The following MYO5B variants were observed in gnomAD, a reference collection of about 807,000 sequenced individuals.
MYO5B encodes unconventional myosin-Vb.
A neutral mutation model predicts 229.3 loss-of-function variants in MYO5B; 143 were observed. The ratio of observed to expected loss-of-function variants is 0.62; its 90% CI spans 0.54 to 0.72. The LOEUF is 0.72. Among genes scored for constraint, MYO5B ranks in the 30% least tolerant of loss-of-function variants. The probability of loss-of-function intolerance (pLI) is 0.00; values close to 1 mark genes in which losing one functional copy is unlikely to be tolerated. For missense variants in MYO5B, 2,321 were observed against 2,331.0 expected (o/e 1.00, Z 0.09); for synonymous variants, 918 against 885.2 (o/e 1.04, Z -0.66).
intron 22 of MYO5B, 45 bp from the exon 23 acceptor site, chr18:49,880,500 G>T: frequency 6.9e-7 from 1 of 1,451,360 alleles, no homozygotes; most frequent in Non-Finnish European, 9.7e-7. Flanking sequence ...ATGCTGGGAA[G>T]AGGAGAGGCT....
chr18:49,916,893 T>C (rs1246758855), intron 17 of MYO5B, among the ~76,000 whole-genome samples: 2 of 152,160 alleles, frequency 1.3e-5, no homozygotes, highest in African/African-American at 4.8e-5. Context: ...AAGAGGAAAA[T>C]CTTCAAAGTG....
intron 1 of MYO5B, among the ~76,000 whole-genome samples, chr18:50,144,939 T>C (rs773792575): frequency 6.6e-6 from 1 of 152,170 alleles, no homozygotes; most frequent in Non-Finnish European, 1.5e-5. Flanking sequence ...ATGCCCACAC[T>C]TCTTCAAATC....
intron 10 of MYO5B, among the ~76,000 whole-genome samples, chr18:49,964,784 A>G (rs932643850): frequency 1.3e-5 from 2 of 152,198 alleles, no homozygotes; most frequent in African/African-American, 4.8e-5. Flanking sequence ...GTATCTTAGA[A>G]TATCAACACT....
At chr18:50,052,538 C>T (rs988244898) in intron 2 of MYO5B, among the ~76,000 whole-genome samples, 8 of 119,860 alleles carry the variant, frequency 6.7e-5, no homozygotes, top group Non-Finnish European at 1.1e-4. Context: ...GGGAACATCA[C>T]ACTCTGGGGA....
chr18:50,149,530 A>G (rs1279624716), intron 1 of MYO5B, among the ~76,000 whole-genome samples: 3 of 151,198 alleles, frequency 2.0e-5, no homozygotes, highest in East Asian at 2.0e-4. Context: ...AAATAATGCC[A>G]CATATCTACA....
chr18:49,845,080 G>T (rs913169859), intron 33 of MYO5B, among the ~76,000 whole-genome samples: 11 of 152,170 alleles, frequency 7.2e-5, no homozygotes, highest in Non-Finnish European at 1.5e-5. Flanking sequence ...CATGCTGATG[G>T]CAGGGTTTTC....
At chr18:50,019,409 C>G (rs2026251357) in intron 4 of MYO5B, among the ~76,000 whole-genome samples, 1 of 152,192 alleles carries the variant, frequency 6.6e-6, no homozygotes, top group South Asian at 2.1e-4. Flanking sequence ...CTCATGCTGG[C>G]TACTCTATGC....
At position 49,870,718 on chromosome 18, in the gene MYO5B, A is replaced by G. The variant is rs570043310; in HGVS notation, c.3603+1449T>C. 5.9e-5 allele frequency among the ~76,000 whole-genome samples: 9 copies of G among 152,336 alleles called. No homozygotes were observed. In the South Asian group the frequency reaches 1.4e-3, roughly 25 times the overall value. ...CAGGAAAATGCAAGTCAAAACTACA[A>G]TGAGATATCACCTTACACCTATCAG... On this transcript the variant is annotated intron_variant, in intron 27 of 39. Coordinates refer to ENST00000285039, the MANE Select transcript of MYO5B (RefSeq NM_001080467.3).
At chr18:50,148,858 A>C (rs2032547811) in intron 1 of MYO5B, among the ~76,000 whole-genome samples, 1 of 152,236 alleles carries the variant, frequency 6.6e-6, no homozygotes, top group African/African-American at 2.4e-5. Context: ...AGAAGGAAAT[A>C]AAGGGTATTC....
intron 1 of MYO5B, among the ~76,000 whole-genome samples, chr18:50,151,906 C>G (rs1399432515): frequency 6.6e-6 from 1 of 152,174 alleles, no homozygotes; most frequent in East Asian, 1.9e-4. Context: ...CTTCCTCAGC[C>G]TGCCTTCCCG....
At chr18:49,847,379 C>A (rs2024143304) in intron 32 of MYO5B, 90 bp from the exon 33 acceptor site, 3 of 1,507,798 alleles carry the variant, frequency 2.0e-6, no homozygotes, top group Admixed American at 1.9e-5. Flanking sequence ...GAGGATGGGA[C>A]CTGGGGCAGG....
intron 1 of MYO5B, among the ~76,000 whole-genome samples, chr18:50,115,887 T>A (rs1000662279): frequency 6.6e-6 from 1 of 152,198 alleles, no homozygotes; most frequent in African/African-American, 2.4e-5. Flanking sequence ...TAGCTGTTAA[T>A]GGCTGCTTGC....
intron 2 of MYO5B, among the ~76,000 whole-genome samples, chr18:50,047,178 G>A (rs1757414832): frequency 6.6e-6 from 1 of 152,254 alleles, no homozygotes; most frequent in Admixed American, 6.5e-5. Flanking sequence ...GAAAATTTTT[G>A]CAACCTACTC....
chr18:50,107,110 T>A (rs1203497585), intron 1 of MYO5B, among the ~76,000 whole-genome samples: 2 of 11,784 alleles, frequency 1.7e-4, no homozygotes, highest in African/African-American at 3.4e-4. Context: ...TTAGGGTGCC[T>A]TTTTTTTTTT....
rs2025575974 is a variant in MYO5B at position 49,962,857 on chromosome 18, C to T, written c.1404+92G>A. Reference sequence around the variant, plus strand: ...GGGATATCAGAACGTAGCCAGGGCCCACCCACCTCAGAGGAAGAGAAGTGG... The same window carrying T: ...GGGATATCAGAACGTAGCCAGGGCCTACCCACCTCAGAGGAAGAGAAGTGG... On this transcript the variant is annotated intron_variant, in intron 11 of 39. Transcript: ENST00000285039. 5.4e-6 allele frequency: 6 copies of T among 1,108,642 alleles called. No individual in the cohort carries two copies. In the South Asian group the frequency reaches 7.4e-5, roughly 14 times the overall value. 68.7% of individuals were successfully genotyped at this position (1,108,642 alleles called of 1,614,324 possible). A position where few individuals can be genotyped will look rare whatever the true frequency, so the allele number is the denominator to read the frequency against.
intron 35 of MYO5B, 98 bp from the exon 36 acceptor site, chr18:49,839,392 AGGG>A (rs1306174037): frequency 1.4e-5 from 20 of 1,430,588 alleles, no homozygotes; most frequent in Non-Finnish European, 1.9e-5. Flanking sequence ...TTTGGTGGGC[AGGG>A]GGCCTACTCA....
chr18:49,938,000 T>A (rs367946223), intron 14 of MYO5B, among the ~76,000 whole-genome samples: 31 of 152,324 alleles, frequency 2.0e-4, no homozygotes, highest in African/African-American at 7.5e-4. Flanking sequence ...AATGTATGAA[T>A]GACAATTCAA....
chr18:49,984,814 C>A lies in MYO5B; in HGVS notation c.850G>T (p.Asp284Tyr), dbSNP rs1158642652. Residue 284 changes from aspartate to tyrosine, a missense_variant, in exon 8 of 40, where the codon GAC becomes TAC. Asp to Tyr is a radical substitution (Grantham distance 160). This residue lies in a region of MYO5B where 2,113 missense variants were observed against 2,044.7 expected (regional missense o/e 1.03). Coordinates refer to ENST00000285039, the MANE Select transcript of MYO5B (RefSeq NM_001080467.3). ...CCTCCCTGTGATGTATAGAAAAAGT[C>A]CTCTGCACTTGCTGTGGGAGGCGAG... Reference protein sequence around the residue: ...FKELALTSAEDFFYTSQGGDT... With the variant: ...FKELALTSAEYFFYTSQGGDT... 3.7e-6 allele frequency: 6 copies of A among 1,610,160 alleles called. No individual in the cohort carries two copies. The highest frequency in any genetic ancestry group is 5.1e-6 in the Non-Finnish European group (6 of 1,176,374).
intron 12 of MYO5B, among the ~76,000 whole-genome samples, chr18:49,959,177 C>T (rs1025135610): frequency 9.8e-5 from 15 of 152,344 alleles, no homozygotes; most frequent in Non-Finnish European, 1.6e-4. Context: ...CTCCCCACGA[C>T]GCTCTTCCTT....
Sources: allele counts gnomAD v4.1 joint callset (sites outside exome capture counted in the v4.1 genomes callset), GRCh38; gene constraint gnomAD v4.1.1; regional missense constraint gnomAD v4.1.1; transcripts MANE v1.5; gene names NCBI Gene and HGNC (gene_info 2026-07-23, HGNC 2026-07-21).